The following SEMA5A variants were observed in gnomAD, a reference collection of about 807,000 sequenced individuals.
SEMA5A encodes the protein semaphorin 5A.
Under a neutral mutation model 135.5 loss-of-function variants are expected in SEMA5A, and 55 were observed. The observed-to-expected ratio is 0.41, with a 90% confidence interval of 0.33 to 0.51. The LOEUF (loss-of-function observed/expected upper bound fraction) is 0.51. SEMA5A is among the 20% of genes least tolerant of loss of function. SEMA5A has a pLI of 0.37. For synonymous variants in SEMA5A, 580 were observed against 546.5 expected, an observed-to-expected ratio of 1.06 and a Z score of -0.85; for missense variants, 1,290 against 1,419.9, an observed-to-expected ratio of 0.91 and a Z score of 1.47.
At chr5:9,387,366 C>T (rs142004057) in intron 2 of SEMA5A, among the ~76,000 whole-genome samples, 5 of 152,086 alleles carry the variant, frequency 3.3e-5, no homozygotes, top group African/African-American at 7.2e-5. Flanking sequence ...AAGATAGGAG[C>T]GAGGATGAAG....
At chr5:9,453,331 T>A (rs1441026214) in intron 1 of SEMA5A, among the ~76,000 whole-genome samples, 1 of 152,170 alleles carries the variant, frequency 6.6e-6, no homozygotes, top group Non-Finnish European at 1.5e-5. Flanking sequence ...GACAAGGCAA[T>A]CCTATCACCT....
chr5:9,088,302 CAAA>C (rs58686803), intron 16 of SEMA5A, among the ~76,000 whole-genome samples: 4 of 68,348 alleles, frequency 5.9e-5, no homozygotes, highest in Non-Finnish European at 6.5e-5. Flanking sequence ...GACTCCATCT[CAAA>C]AAAAAAAAAA....
intron 1 of SEMA5A, among the ~76,000 whole-genome samples, chr5:9,533,456 C>T (rs981962249): frequency 1.2e-4 from 18 of 152,130 alleles, no homozygotes; most frequent in African/African-American, 4.3e-4. Context: ...TGTCTTTTCT[C>T]CAAGTATGAA....
intron 1 of SEMA5A, among the ~76,000 whole-genome samples, chr5:9,483,393 G>C (rs531251972): frequency 6.6e-6 from 1 of 152,232 alleles, no homozygotes; most frequent in African/African-American, 2.4e-5. Flanking sequence ...TGCTAATCAT[G>C]CTTAAAAGAA....
intron 5 of SEMA5A, among the ~76,000 whole-genome samples, chr5:9,311,188 C>T (rs1233348591): frequency 1.3e-5 from 2 of 151,886 alleles, no homozygotes; most frequent in Non-Finnish European, 2.9e-5. Context: ...TTTGGTACCA[C>T]CCCTGGTCTC....
At chr5:9,416,401 G>C (rs772568440) in intron 2 of SEMA5A, among the ~76,000 whole-genome samples, 5 of 152,186 alleles carry the variant, frequency 3.3e-5, no homozygotes, top group Non-Finnish European at 7.3e-5. Flanking sequence ...TCAAAGGGCA[G>C]GTCCCACACT....
intron 1 of SEMA5A, among the ~76,000 whole-genome samples, chr5:9,438,725 A>G (rs559843218): frequency 6.6e-6 from 1 of 152,280 alleles, no homozygotes; most frequent in East Asian, 1.9e-4. Context: ...TAAATGTGAA[A>G]CACCCTGACA....
chr5:9,162,470 ATATGTGTG>A (rs140387010), intron 11 of SEMA5A, among the ~76,000 whole-genome samples: 4 of 31,922 alleles, frequency 1.3e-4, no homozygotes, highest in Admixed American at 5.6e-4. Flanking sequence ...GTGTGTATAT[ATATGTGTG>A]TGTGTATATA....
intron 5 of SEMA5A, among the ~76,000 whole-genome samples, chr5:9,296,764 A>G (rs1751353356): frequency 6.6e-6 from 1 of 152,060 alleles, no homozygotes; most frequent in Non-Finnish European, 1.5e-5. Context: ...TTTATGAAAA[A>G]ATGTCTTCTG....
intron 3 of SEMA5A, among the ~76,000 whole-genome samples, chr5:9,356,354 G>A (rs1754447058): frequency 2.0e-5 from 3 of 152,188 alleles, no homozygotes; most frequent in Admixed American, 1.3e-4. Flanking sequence ...AGAGTGTTTA[G>A]TTCTGCCTGT....
At chr5:9,426,353 A>C (rs990287287) in intron 2 of SEMA5A, among the ~76,000 whole-genome samples, 1 of 151,728 alleles carries the variant, frequency 6.6e-6, no homozygotes. Flanking sequence ...TGATCCTGGG[A>C]GGCGGAGCTT....
intron 5 of SEMA5A, among the ~76,000 whole-genome samples, chr5:9,280,541 C>T (rs974187551): frequency 1.3e-5 from 2 of 152,202 alleles, no homozygotes; most frequent in Non-Finnish European, 2.9e-5. Flanking sequence ...ATAGGAGAAG[C>T]TCTCACTTGG....
intron 3 of SEMA5A, among the ~76,000 whole-genome samples, chr5:9,350,572 G>C (rs1361480352): frequency 6.6e-6 from 1 of 152,288 alleles, no homozygotes; most frequent in Middle Eastern, 3.4e-3. Context: ...CTTCAGGAAG[G>C]GCTGGAGTCT....
chr5:9,123,856 C>T (rs1277864833), intron 13 of SEMA5A, among the ~76,000 whole-genome samples: 1 of 152,136 alleles, frequency 6.6e-6, no homozygotes, highest in East Asian at 1.9e-4. Flanking sequence ...ATAACTATTA[C>T]TCCATGTAGA....
intron 3 of SEMA5A, among the ~76,000 whole-genome samples, chr5:9,356,990 C>T (rs78997163): frequency 0.01 from 1,545 of 152,272 alleles, 26 homozygotes; most frequent in African/African-American, 0.035. Flanking sequence ...GAATTACCAG[C>T]TTGCAAGACA....
intron 2 of SEMA5A, among the ~76,000 whole-genome samples, chr5:9,430,092 G>A (rs781318111): frequency 5.9e-5 from 9 of 152,094 alleles, no homozygotes; most frequent in Non-Finnish European, 1.2e-4. Flanking sequence ...GATATATGTT[G>A]AACAAAAAAA....
chr5:9,372,549 C>T (rs570451503), intron 3 of SEMA5A, among the ~76,000 whole-genome samples: 2 of 152,084 alleles, frequency 1.3e-5, no homozygotes, highest in South Asian at 4.2e-4. Flanking sequence ...CACATAAAGA[C>T]ATGGATATGC....
intron 1 of SEMA5A, among the ~76,000 whole-genome samples, chr5:9,532,181 A>T (rs890838288): frequency 6.6e-6 from 1 of 152,212 alleles, no homozygotes; most frequent in African/African-American, 2.4e-5. Flanking sequence ...CAGAATAAAG[A>T]TCTTAAATAT....
At chr5:9,499,848 A>T (rs1735491234) in intron 1 of SEMA5A, among the ~76,000 whole-genome samples, 1 of 152,218 alleles carries the variant, frequency 6.6e-6, no homozygotes, top group Admixed American at 6.5e-5. Flanking sequence ...AGCACAGAGC[A>T]CAGAAGTGCT....
Sources: gnomAD v4.1 joint callset for allele counts (sites outside exome capture counted in the v4.1 genomes callset) on GRCh38, gnomAD v4.1.1 for gene constraint, MANE v1.5 for transcripts, NCBI Gene and HGNC (gene_info 2026-07-23, HGNC 2026-07-21) for gene names.